PBRM1: variants seen among roughly 807,000 people sequenced by gnomAD.
PBRM1 encodes polybromo 1, also known as protein polybromo-1.
In PBRM1, 27 loss-of-function variants were observed where a neutral mutation model predicts 194.5. The observed-to-expected ratio is 0.14, with a 90% CI of 0.10 to 0.19. The LOEUF is 0.19. Ranked by LOEUF, PBRM1 falls within the 10% of genes least tolerant of loss-of-function variation. The pLI, the probability that PBRM1 is intolerant of heterozygous loss-of-function variation, is 1.00. For missense variants in PBRM1, 1,466 were observed against 2,077.2 expected (o/e 0.71, Z 5.72); for synonymous variants, 655 against 693.2 (o/e 0.94, Z 0.87).
intron 15 of PBRM1, among the ~76,000 whole-genome samples, chr3:52,614,212 A>G (rs905314597): frequency 7.9e-5 from 12 of 151,824 alleles, no homozygotes; most frequent in Non-Finnish European, 1.5e-4. Context: ...CATCTCTACT[A>G]AAAATACAAA....
At chr3:52,626,667 A>C (rs1358528225) in intron 13 of PBRM1, among the ~76,000 whole-genome samples, 1 of 152,188 alleles carries the variant, frequency 6.6e-6, no homozygotes, top group Non-Finnish European at 1.5e-5. Flanking sequence ...ATCTCACAGT[A>C]AGATCCCCTT....
At chr3:52,591,319 TTCTTG>T (rs1409695104) in intron 17 of PBRM1, among the ~76,000 whole-genome samples, 2 of 152,160 alleles carry the variant, frequency 1.3e-5, no homozygotes, top group South Asian at 2.1e-4. Context: ...GGAGACAGCA[TTCTTG>T]TCTTGTGTCA....
chr3:52,591,891 A>G (rs1435397707), intron 17 of PBRM1, among the ~76,000 whole-genome samples: 2 of 134,052 alleles, frequency 1.5e-5, no homozygotes, highest in Non-Finnish European at 3.1e-5. Flanking sequence ...CAGTGGCGCC[A>G]TCTCGGCTCA....
At chr3:52,566,801 G>C (rs892115705) in intron 22 of PBRM1, among the ~76,000 whole-genome samples, 2 of 152,206 alleles carry the variant, frequency 1.3e-5, no homozygotes, top group African/African-American at 2.4e-5. Flanking sequence ...AACGGTTAAG[G>C]CTGGGCGTGG....
chr3:52,626,089 A>T (rs1243358798), intron 13 of PBRM1, among the ~76,000 whole-genome samples: 1 of 152,236 alleles, frequency 6.6e-6, no homozygotes, highest in Non-Finnish European at 1.5e-5. Context: ...TATCTTTGAT[A>T]GGTGACTGAT....
At chr3:52,658,086 C>A in intron 5 of PBRM1, 113 bp downstream of exon 6, 2 of 648,434 alleles carry the variant, frequency 3.1e-6, no homozygotes, top group Non-Finnish European at 5.7e-6. Context: ...AGCCACCACA[C>A]CCGGCCCAAC....
At chr3:52,648,998 A>T (rs992867952) in intron 6 of PBRM1, among the ~76,000 whole-genome samples, 2 of 152,224 alleles carry the variant, frequency 1.3e-5, no homozygotes, top group African/African-American at 2.4e-5. Flanking sequence ...AAAGACGGAC[A>T]CACTTTTAGG....
At chr3:52,665,260 T>A (rs1206916455) in intron 3 of PBRM1, among the ~76,000 whole-genome samples, 1 of 152,068 alleles carries the variant, frequency 6.6e-6, no homozygotes, top group Non-Finnish European at 1.5e-5. Context: ...GCTCAAATGA[T>A]CCTTCCACCT....
exon 27 of PBRM1, chr3:52,554,804 A>G (rs2153430006): frequency 6.3e-7 from 1 of 1,595,340 alleles, no homozygotes; most frequent in Non-Finnish European, 8.5e-7. Context: ...AAGTGGCTGC[A>G]TGCTGCCCAT....
intron 2 of PBRM1, among the ~76,000 whole-genome samples, chr3:52,677,585 G>T (rs2097134542): frequency 6.6e-6 from 1 of 152,054 alleles, no homozygotes; most frequent in Admixed American, 6.6e-5. Flanking sequence ...GCTAATTTTT[G>T]TATTTTTAGT....
chr3:52,576,118 A>T (rs777192272), intron 22 of PBRM1, among the ~76,000 whole-genome samples: 1 of 152,146 alleles, frequency 6.6e-6, no homozygotes, highest in Non-Finnish European at 1.5e-5. Flanking sequence ...ACCAACGTTA[A>T]GTATAATGGG....
chr3:52,632,678 A>G (rs1017218308), intron 11 of PBRM1, among the ~76,000 whole-genome samples: 1 of 146,500 alleles, frequency 6.8e-6, no homozygotes, highest in Non-Finnish European at 1.5e-5. Context: ...AAAACTTACC[A>G]CCTTGACCTT....
intron 27 of PBRM1, among the ~76,000 whole-genome samples, chr3:52,554,435 A>G (rs1199855085): frequency 1.3e-5 from 2 of 152,218 alleles, no homozygotes; most frequent in African/African-American, 4.8e-5. Flanking sequence ...GGACATGTCA[A>G]ATTAGTTGAG....
chr3:52,587,327 A>T (rs770646764), intron 19 of PBRM1, 26 bp downstream of exon 21: 11 of 1,527,418 alleles, frequency 7.2e-6, no homozygotes, highest in Non-Finnish European at 8.1e-6. Context: ...AATGAGTGAG[A>T]CTTTGGGATT....
chr3:52,612,424 T>C (rs1393555874), intron 15 of PBRM1, among the ~76,000 whole-genome samples: 2 of 151,994 alleles, frequency 1.3e-5, no homozygotes, highest in Non-Finnish European at 2.9e-5. Context: ...TAATCGCACC[T>C]TCAAAGTTAA....
chr3:52,575,593 A>AGCCTCTGCCTCT (rs141752554), intron 22 of PBRM1, among the ~76,000 whole-genome samples: 1 of 140,838 alleles, frequency 7.1e-6, no homozygotes, highest in South Asian at 2.2e-4. Flanking sequence ...GGCTCACTGC[A>AGCCTCTGCCTCT]GCCTCTGCCT....
chr3:52,643,513 G>T (rs1038857221), intron 8 of PBRM1, among the ~76,000 whole-genome samples, 170 bp from the exon 10 acceptor site: 10 of 152,216 alleles, frequency 6.6e-5, no homozygotes, highest in Non-Finnish European at 1.5e-5. Flanking sequence ...ACTCTGCGGG[G>T]AAGAACAGAC....
In PBRM1 at chr3:52,550,641, A is replaced by G. The variant is rs772059499; in HGVS notation, c.4681-4T>C. 1 of 1,527,836 alleles carries G rather than the reference A, an allele frequency of 6.5e-7. No individual in the cohort carries two copies. Among genetic ancestry groups the G allele is most frequent in the South Asian group, 1.3e-5 (1 of 78,098 alleles). The allele number at this position is 1,527,836 out of a possible 1,614,324, so 94.6% of individuals were successfully genotyped here. On this transcript the variant is annotated splice_region_variant and splice_polypyrimidine_tract_variant and intron_variant, in intron 28 of 29. Coordinates refer to ENST00000296302, the Ensembl canonical transcript of PBRM1. ...CTGGAGGCCCCAAAACTCCCACCTG[A>G]AAGAGCACAGGACCACATGGTGAGG...
chr3:52,579,020 T>G, intron 21 of PBRM1, 34 bp downstream of exon 23: 1 of 1,610,160 alleles, frequency 6.2e-7, no homozygotes, highest in Non-Finnish European at 8.5e-7. Flanking sequence ...TTTCTCAGAT[T>G]CAACCTCATC....
Sources: allele counts gnomAD v4.1 joint callset (sites outside exome capture counted in the v4.1 genomes callset), GRCh38; gene constraint gnomAD v4.1.1; transcripts MANE v1.5; gene names NCBI Gene and HGNC (gene_info 2026-07-23, HGNC 2026-07-21).